The following RGS7 variants were observed in gnomAD, a reference collection of about 807,000 sequenced individuals.
RGS7 encodes regulator of G protein signaling 7, also known as regulator of G-protein signaling 7.
RGS7 carries 27 observed loss-of-function variants against 81.1 expected under a neutral mutation model. The ratio of observed to expected loss-of-function variants is 0.33; its 90% CI spans 0.25 to 0.46. RGS7 has a LOEUF of 0.46. Ranked by LOEUF, RGS7 falls within the 20% of genes least tolerant of loss-of-function variation. The pLI, the probability that RGS7 is intolerant of heterozygous loss-of-function variation, is 1.00. For missense variants in RGS7, 396 were observed against 607.4 expected (o/e 0.65, Z 3.66); for synonymous variants, 208 against 207.7 (o/e 1.00, Z -0.01).
intron 3 of RGS7, among the ~76,000 whole-genome samples, chr1:240,988,888 G>A (rs1040357908): frequency 2.0e-5 from 3 of 152,204 alleles, no homozygotes; most frequent in Admixed American, 6.5e-5. Context: ...TCACAGCTAT[G>A]TCTTGGTGCT....
At chr1:241,203,166 AC>A (rs894203415) in intron 2 of RGS7, among the ~76,000 whole-genome samples, 24 of 151,796 alleles carry the variant, frequency 1.6e-4, no homozygotes, top group Non-Finnish European at 8.8e-5. Context: ...ATCCTGCACT[AC>A]CTTCCTTCCA....
chr1:240,859,667 A>G (rs1661835076), intron 9 of RGS7, among the ~76,000 whole-genome samples: 1 of 151,622 alleles, frequency 6.6e-6, no homozygotes, highest in Admixed American at 6.6e-5. Flanking sequence ...AAAAGTTTTG[A>G]TTTTATTGAT....
chr1:240,800,369 A>G (rs1237286852), intron 18 of RGS7, among the ~76,000 whole-genome samples: 1 of 152,154 alleles, frequency 6.6e-6, no homozygotes, highest in Non-Finnish European at 1.5e-5. Flanking sequence ...TTACTGTTCA[A>G]ATTCTTTCAA....
chr1:241,225,797 C>T lies in RGS7; in HGVS notation c.79-127035G>A, dbSNP rs895995001. Among the ~76,000 whole-genome samples the T allele has an allele frequency of 3.3e-5, 5 of 152,096 alleles. 1 individual carries two copies. The highest frequency in any genetic ancestry group is 1.2e-4 in the African/African-American group (5 of 41,404). The stretch of plus-strand genomic sequence containing the variant: ...ACAGTTATCAACAGTGATAACAGTC[C>T]AGCCTGAGCTAGATATAAACAAGAA... On this transcript the variant is annotated intron_variant, in intron 2 of 18. Coordinates refer to ENST00000440928, the MANE Select transcript of RGS7 (RefSeq NM_001364886.1).
intron 3 of RGS7, among the ~76,000 whole-genome samples, chr1:241,091,470 C>T (rs1301917436): frequency 6.6e-6 from 1 of 151,570 alleles, no homozygotes; most frequent in East Asian, 1.9e-4. Context: ...ATGGCGTGAA[C>T]CCAGGAGGCG....
chr1:241,192,292 T>G (rs2072748750), intron 2 of RGS7, among the ~76,000 whole-genome samples: 2 of 150,394 alleles, frequency 1.3e-5, no homozygotes, highest in African/African-American at 4.9e-5. Flanking sequence ...TGTGTTTGGT[T>G]TGCTTTGATT....
intron 2 of RGS7, among the ~76,000 whole-genome samples, chr1:241,150,486 T>C (rs1168534607): frequency 6.6e-6 from 1 of 152,210 alleles, no homozygotes; most frequent in Non-Finnish European, 1.5e-5. Context: ...CTGATATGTA[T>C]ATTAAGGGTT....
chr1:241,120,590 C>T (rs76811005), intron 2 of RGS7, among the ~76,000 whole-genome samples: 44 of 152,236 alleles, frequency 2.9e-4, no homozygotes, highest in Middle Eastern at 3.4e-3. Context: ...AGGTGGTCCA[C>T]CTGTCTCATC....
chr1:241,308,393 A>G (rs1419118727), intron 2 of RGS7, among the ~76,000 whole-genome samples: 4 of 152,244 alleles, frequency 2.6e-5, no homozygotes, highest in Non-Finnish European at 5.9e-5. Context: ...ATTGTTAGGA[A>G]GCATGGGGGC....
At chr1:241,324,322 A>T (rs1405251985) in intron 2 of RGS7, among the ~76,000 whole-genome samples, 3 of 151,432 alleles carry the variant, frequency 2.0e-5, no homozygotes, top group Non-Finnish European at 4.4e-5. Context: ...TGAAAGAAAA[A>T]TATATAAAAG....
At chr1:241,354,678 T>C (rs1341467) in intron 2 of RGS7, among the ~76,000 whole-genome samples, 95,513 of 152,096 alleles carry the variant, frequency 0.63, 31,469 homozygotes, top group East Asian at 0.76. Flanking sequence ...TCTGATCCCC[T>C]TGCTGAAAAA....
Position 240,816,301 on chromosome 1 carries a change from T to A in RGS7, c.783+16A>T. On this transcript the variant is annotated intron_variant, in intron 11 of 18. Transcript: ENST00000440928. ...CTCTGTAAACCTTTAACAGGTCATCTCATAGGTTGACTCACCTGTTGTTGT... is the reference window on the plus strand; with the variant it reads ...CTCTGTAAACCTTTAACAGGTCATCACATAGGTTGACTCACCTGTTGTTGT... 1 of 1,538,034 alleles carries A rather than the reference T, an allele frequency of 6.5e-7. No homozygotes were observed. The highest frequency in any genetic ancestry group is 9.0e-7 in the Non-Finnish European group (1 of 1,110,666).
At chr1:241,087,807 G>A (rs1572627079) in intron 3 of RGS7, among the ~76,000 whole-genome samples, 3 of 151,882 alleles carry the variant, frequency 2.0e-5, no homozygotes, top group African/African-American at 7.2e-5. Flanking sequence ...AAATTAGCTG[G>A]GCGTGGCAGT....
chr1:240,889,729 GC>G (rs940186454), intron 6 of RGS7, among the ~76,000 whole-genome samples: 1 of 152,118 alleles, frequency 6.6e-6, no homozygotes, highest in African/African-American at 2.4e-5. Context: ...TTCCAAATCA[GC>G]CCACTTGGTT....
At chr1:241,158,086 T>C (rs994500000) in intron 2 of RGS7, among the ~76,000 whole-genome samples, 11 of 152,124 alleles carry the variant, frequency 7.2e-5, no homozygotes, top group Non-Finnish European at 2.9e-5. Context: ...CCCAAAGTGC[T>C]GGAATTACAG....
chr1:240,775,731 C>A lies in RGS7; in HGVS notation c.*489G>T. ...TGACACATTGGTGAAATGAAACTTTCTGTGCGGAATTTATTGTTTAATAAA... is the reference window on the plus strand; with the variant it reads ...TGACACATTGGTGAAATGAAACTTTATGTGCGGAATTTATTGTTTAATAAA... On this transcript the variant is annotated 3_prime_UTR_variant, in exon 19 of 19. Coordinates refer to ENST00000440928, the MANE Select transcript of RGS7 (RefSeq NM_001364886.1). The A allele has an allele frequency of 1.2e-5, 2 of 170,230 alleles. No individual in the cohort carries two copies. The highest frequency in any genetic ancestry group is 1.5e-4 in the East Asian group (1 of 6,834). 10.5% of individuals were successfully genotyped at this position (170,230 alleles called of 1,614,324 possible).
At chr1:241,197,762 A>T (rs1251832349) in intron 2 of RGS7, among the ~76,000 whole-genome samples, 2 of 151,656 alleles carry the variant, frequency 1.3e-5, no homozygotes, top group Non-Finnish European at 1.5e-5. Context: ...GTAGTGAGAG[A>T]TTTCCATACA....
In RGS7 at chr1:241,213,366, C is replaced by T. The variant is rs73132750; in HGVS notation, c.79-114604G>A. 3.1e-3 allele frequency among the ~76,000 whole-genome samples: 476 copies of T among 152,282 alleles called. 4 individuals carry two copies. Among genetic ancestry groups the T allele is most frequent in the Middle Eastern group, 0.014 (4 of 294 alleles). On this transcript the variant is annotated intron_variant, in intron 2 of 18. Transcript: ENST00000440928. Reference sequence around the variant, plus strand: ...TTAGCTGACTCAGGCTGTCGGAACTCATGTAAAAGCGAACCAAATATGACA... The same window carrying T: ...TTAGCTGACTCAGGCTGTCGGAACTTATGTAAAAGCGAACCAAATATGACA...
At chr1:240,862,860 A>G (rs1024758681) in intron 9 of RGS7, among the ~76,000 whole-genome samples, 4 of 152,174 alleles carry the variant, frequency 2.6e-5, no homozygotes, top group African/African-American at 9.6e-5. Context: ...CTGAAAAACC[A>G]TAACAAAAAT....
Sources: gnomAD v4.1 joint callset for allele counts (sites outside exome capture counted in the v4.1 genomes callset) on GRCh38, gnomAD v4.1.1 for gene constraint, MANE v1.5 for transcripts, NCBI Gene and HGNC (gene_info 2026-07-23, HGNC 2026-07-21) for gene names.